The following PPP2R3A variants were observed in gnomAD, a reference collection of about 807,000 sequenced individuals.
The protein encoded by PPP2R3A is serine/threonine-protein phosphatase 2A regulatory subunit B'' subunit alpha.
PPP2R3A carries 80 observed loss-of-function variants against 106.9 expected under a neutral mutation model. The observed-to-expected ratio is 0.75, with a 90% confidence interval of 0.62 to 0.90. The LOEUF (loss-of-function observed/expected upper bound fraction) is 0.90. Among genes scored for constraint, PPP2R3A ranks in the 40% least tolerant of loss-of-function variants. The probability of loss-of-function intolerance (pLI) is 0.00; values close to 1 mark genes in which losing one functional copy is unlikely to be tolerated. For missense variants in PPP2R3A, 1,386 were observed against 1,350.4 expected (o/e 1.03, Z -0.41); for synonymous variants, 483 against 468.3 (o/e 1.03, Z -0.41).
intron 4 of PPP2R3A, among the ~76,000 whole-genome samples, chr3:136,047,735 A>T (rs1317270229): frequency 6.6e-6 from 1 of 152,102 alleles, no homozygotes; most frequent in African/African-American, 2.4e-5. Flanking sequence ...CCCCGTCTCT[A>T]CTAAAAATAC....
In PPP2R3A at chr3:136,040,952, A is replaced by G. The variant is rs1275733718; in HGVS notation, c.2356A>G (p.Met786Val). The change falls in exon 4 of 14, where the codon ATG becomes GTG. Residue 786 changes from methionine (M) to valine (V), a missense_variant. By Grantham distance (21) the Met-to-Val change is conservative. Transcript: ENST00000264977. The stretch of plus-strand genomic sequence containing the variant: ...TGTGACAGCACAGTCATTCATTGCC[A>G]TGTGGAGAAAGTAAGTATGTGAGCA... ...GFVTAQSFIAMWRKLLNNHHD... is the reference protein window; with the variant it reads ...GFVTAQSFIAVWRKLLNNHHD... The G allele has an allele frequency of 1.2e-6, 2 of 1,613,028 alleles. No individual in the cohort carries two copies. Among genetic ancestry groups the G allele is most frequent in the Admixed American group, 3.3e-5 (2 of 59,942 alleles).
chr3:136,114,093 C>T (rs1055049024), intron 13 of PPP2R3A, among the ~76,000 whole-genome samples: 2 of 152,156 alleles, frequency 1.3e-5, no homozygotes, highest in African/African-American at 4.8e-5. Context: ...ACTGGTTGGA[C>T]AGTAGGTGCA....
rs1344089582 is a variant in PPP2R3A at position 135,980,419 on chromosome 3, G to T, written c.-441+14570G>T. On this transcript the variant is annotated intron_variant, in intron 1 of 13. Coordinates refer to ENST00000264977, the MANE Select transcript of PPP2R3A (RefSeq NM_002718.5). ...TTAATTGCTGCCCCAAGCCTTGGGG[G>T]ATTAAAAAAAGGAGCATAAAATGTT... Among the ~76,000 whole-genome samples the T allele has an allele frequency of 2.7e-5, 4 of 148,738 alleles. No individual in the cohort carries two copies. In the East Asian group the frequency reaches 5.8e-4, roughly 22 times the overall value.
At chr3:136,026,612 C>T (rs896504004) in intron 2 of PPP2R3A, among the ~76,000 whole-genome samples, 1 of 151,946 alleles carries the variant, frequency 6.6e-6, no homozygotes, top group Non-Finnish European at 1.5e-5. Context: ...TTTTTTTAAA[C>T]GTAAATCTAT....
chr3:136,101,264 A>G (rs962408182), intron 10 of PPP2R3A, among the ~76,000 whole-genome samples: 4 of 152,236 alleles, frequency 2.6e-5, no homozygotes, highest in African/African-American at 9.6e-5. Context: ...AAGCAAATAG[A>G]TAAAAGAAAA....
chr3:136,018,547 A>G (rs2107810970), intron 2 of PPP2R3A, among the ~76,000 whole-genome samples: 1 of 152,332 alleles, frequency 6.6e-6, no homozygotes, highest in South Asian at 2.1e-4. Context: ...TCTGTCTTGG[A>G]TTTCAAACTA....
chr3:136,121,110 T>G (rs1209523089), intron 13 of PPP2R3A, among the ~76,000 whole-genome samples: 2 of 152,112 alleles, frequency 1.3e-5, no homozygotes, highest in Non-Finnish European at 2.9e-5. Context: ...AATAAATGAT[T>G]CTACCAAAAA....
At position 136,049,294 on chromosome 3, in the gene PPP2R3A, T is replaced by A; in HGVS notation, c.2402T>A (p.Phe801Tyr). The change falls in exon 5 of 14, where the codon TTC (phenylalanine) becomes TAC (tyrosine). Residue 801 changes from phenylalanine to tyrosine, a missense_variant. Transcript: ENST00000264977. Reference sequence around the variant, plus strand: ...AACCATCATGATGATGCCTCTAAATTCATCTGTCTTCTAGCAAAGCCCAAC... The same window carrying A: ...AACCATCATGATGATGCCTCTAAATACATCTGTCTTCTAGCAAAGCCCAAC... Reference protein sequence around the residue: ...LNNHHDDASKFICLLAKPNCS... With the variant: ...LNNHHDDASKYICLLAKPNCS... 6.2e-7 allele frequency: 1 copy of A among 1,613,792 alleles called. No individual in the cohort carries two copies. The highest frequency in any genetic ancestry group is 8.5e-7 in the Non-Finnish European group (1 of 1,179,824).
chr3:136,016,569 C>G (rs1934275238), intron 2 of PPP2R3A, among the ~76,000 whole-genome samples: 1 of 151,984 alleles, frequency 6.6e-6, no homozygotes, highest in South Asian at 2.1e-4. Flanking sequence ...TATAATGTCC[C>G]TCTTTGTCTT....
At chr3:135,988,808 A>G (rs183695357) in intron 1 of PPP2R3A, among the ~76,000 whole-genome samples, 3 of 152,306 alleles carry the variant, frequency 2.0e-5, no homozygotes, top group Admixed American at 1.3e-4. Context: ...GGAATTGGAC[A>G]TTAGATCTAA....
chr3:135,969,389 G>T (rs1487144844), intron 1 of PPP2R3A, among the ~76,000 whole-genome samples: 1 of 152,154 alleles, frequency 6.6e-6, no homozygotes, highest in Admixed American at 6.6e-5. Context: ...AGGGTTGAGA[G>T]GGAGAAATGA....
intron 2 of PPP2R3A, among the ~76,000 whole-genome samples, chr3:136,007,563 A>G (rs190863708): frequency 1.1e-4 from 17 of 152,320 alleles, no homozygotes; most frequent in Non-Finnish European, 2.2e-4. Context: ...CAAGAGGGAA[A>G]GACATCATGT....
chr3:136,022,171 T>C (rs1934488134), intron 2 of PPP2R3A, among the ~76,000 whole-genome samples: 1 of 152,178 alleles, frequency 6.6e-6, no homozygotes, highest in Non-Finnish European at 1.5e-5. Flanking sequence ...ATGTAGTATG[T>C]CATTGCTGTT....
chr3:136,022,731 C>T, intron 2 of PPP2R3A: 2 of 1,077,442 alleles, frequency 1.9e-6, no homozygotes, highest in Non-Finnish European at 2.3e-6. Context: ...GTAGTGGGTG[C>T]TCCCTTTCCC....
At chr3:136,088,422 A>G (rs1248103198) in intron 9 of PPP2R3A, among the ~76,000 whole-genome samples, 2 of 152,200 alleles carry the variant, frequency 1.3e-5, no homozygotes, top group East Asian at 1.9e-4. Flanking sequence ...CTGCAGGGAC[A>G]TGATTTCATA....
chr3:135,986,235 G>T (rs907304087), intron 1 of PPP2R3A, among the ~76,000 whole-genome samples: 1 of 152,140 alleles, frequency 6.6e-6, no homozygotes, highest in Admixed American at 6.6e-5. Flanking sequence ...GCTGATAACT[G>T]CTCATGAGTC....
chr3:136,001,283 A>G lies in PPP2R3A; in HGVS notation c.-216A>G. 1 of 471,390 alleles carries G rather than the reference A, an allele frequency of 2.1e-6. No homozygotes were observed. The highest frequency in any genetic ancestry group is 5.5e-5 in the South Asian group (1 of 18,292). The allele number at this position is 471,390 out of a possible 1,614,324, so 29.2% of individuals were successfully genotyped here. A position where few individuals can be genotyped will look rare whatever the true frequency, so the allele number is the denominator to read the frequency against. ...AATTAAAAAGCACAATTATTAAATT[A>G]TTAAATTTGCCACACATGTGCAGCA... On this transcript the variant is annotated 5_prime_UTR_variant, in exon 2 of 14. Coordinates refer to ENST00000264977, the MANE Select transcript of PPP2R3A (RefSeq NM_002718.5).
chr3:135,998,869 T>C (rs1390411579), intron 1 of PPP2R3A, among the ~76,000 whole-genome samples: 1 of 152,218 alleles, frequency 6.6e-6, no homozygotes, highest in Non-Finnish European at 1.5e-5. Context: ...TTGTAAAAAA[T>C]ACATACATTT....
At chr3:136,069,883 G>A (rs1936371805) in intron 5 of PPP2R3A, among the ~76,000 whole-genome samples, 1 of 152,146 alleles carries the variant, frequency 6.6e-6, no homozygotes, top group Non-Finnish European at 1.5e-5. Flanking sequence ...TATTCCAATA[G>A]TCTTCAATGA....
Sources: gnomAD v4.1 joint callset for allele counts (sites outside exome capture counted in the v4.1 genomes callset) on GRCh38, gnomAD v4.1.1 for gene constraint, MANE v1.5 for transcripts, NCBI Gene and HGNC (gene_info 2026-07-23, HGNC 2026-07-21) for gene names.